Variants in CCDC30 observed in about 807,000 individuals in gnomAD.
The protein encoded by CCDC30 is coiled-coil domain containing 30.
In CCDC30, 70 loss-of-function variants were observed where a neutral mutation model predicts 100.2. The observed-to-expected ratio is 0.70, with a 90% CI of 0.58 to 0.85. The LOEUF (loss-of-function observed/expected upper bound fraction) is 0.85. Among genes scored for constraint, CCDC30 ranks in the 40% least tolerant of loss-of-function variants. CCDC30 has a pLI of 0.00. For synonymous variants in CCDC30, 233 were observed against 269.5 expected, an observed-to-expected ratio of 0.86 and a Z score of 1.33; for missense variants, 652 against 771.2, an observed-to-expected ratio of 0.85 and a Z score of 1.83.
chr1:42,487,710 C>T (rs1461892677), intron 3 of CCDC30, among the ~76,000 whole-genome samples: 2 of 152,166 alleles, frequency 1.3e-5, no homozygotes, highest in Non-Finnish European at 2.9e-5. Context: ...GGGCAGCCTC[C>T]AAGAGCCAAG....
intron 6 of CCDC30, among the ~76,000 whole-genome samples, chr1:42,548,732 G>A (rs1305161190): frequency 6.6e-6 from 1 of 152,152 alleles, no homozygotes; most frequent in East Asian, 1.9e-4. Context: ...CGATGCCAAG[G>A]CATTCATGGG....
At chr1:42,611,771 G>A (rs1338050292) in intron 11 of CCDC30, among the ~76,000 whole-genome samples, 3 of 151,986 alleles carry the variant, frequency 2.0e-5, no homozygotes, top group Non-Finnish European at 2.9e-5. Flanking sequence ...CAACCTCCTG[G>A]GCTCAAGTGA....
rs112741297 is a variant in CCDC30, at chr1:42,508,891, C to G, written c.456+9975C>G. Among the ~76,000 whole-genome samples the G allele has an allele frequency of 1.8e-3, 276 of 152,098 alleles. 2 individuals carry two copies. Among genetic ancestry groups the G allele is most frequent in the African/African-American group, 6.4e-3 (266 of 41,482 alleles). On this transcript the variant is annotated intron_variant, in intron 6 of 16. Transcript: ENST00000668663. The stretch of plus-strand genomic sequence containing the variant: ...AAGCATAAAGGTTTTTAAAATATAC[C>G]CTTGCTTGGATATCCGCTTTTAATC...
At chr1:42,568,586 G>T (rs1395493403) in intron 7 of CCDC30, among the ~76,000 whole-genome samples, 1 of 151,950 alleles carries the variant, frequency 6.6e-6, no homozygotes, top group Admixed American at 6.6e-5. Context: ...TCCTCAATTT[G>T]GGTCATTTTG....
At chr1:42,530,017 G>A (rs1263623162) in intron 6 of CCDC30, among the ~76,000 whole-genome samples, 3 of 152,102 alleles carry the variant, frequency 2.0e-5, no homozygotes, top group South Asian at 2.1e-4. Flanking sequence ...TCATCCCTTC[G>A]ACCAGTGCAC....
At position 42,653,808 on chromosome 1, in the gene CCDC30, C is replaced by A; in HGVS notation, c.1923-10C>A. The A allele has an allele frequency of 3.1e-6, 5 of 1,603,890 alleles. No homozygotes were observed. Among genetic ancestry groups the A allele is most frequent in the Non-Finnish European group, 4.3e-6 (5 of 1,171,088 alleles). Reference sequence around the variant, plus strand: ...ATGTACATGATGTCCTCACATATGGCATTTCTTAGTTTTTCAGGAAAAGGT... The same window carrying A: ...ATGTACATGATGTCCTCACATATGGAATTTCTTAGTTTTTCAGGAAAAGGT... On this transcript the variant is annotated splice_polypyrimidine_tract_variant and intron_variant, in intron 16 of 16. Transcript: ENST00000668663.
chr1:42,457,451 G>T, the CCDC30 span: 11 of 996,774 alleles, frequency 1.1e-5, no homozygotes, highest in Admixed American at 1.8e-5. Flanking sequence ...GTATTCGCTA[G>T]GCACAGGGGA....
chr1:42,481,125 A>AG (rs200596086), intron 2 of CCDC30, among the ~76,000 whole-genome samples: 1 of 150,060 alleles, frequency 6.7e-6, no homozygotes, highest in Non-Finnish European at 1.5e-5. Flanking sequence ...AAAAAAAAAA[A>AG]GAGTCATGCT....
chr1:42,527,066 A>G (rs1251162001), intron 6 of CCDC30, among the ~76,000 whole-genome samples: 3 of 152,170 alleles, frequency 2.0e-5, no homozygotes, highest in African/African-American at 7.2e-5. Flanking sequence ...AACTGCTCTG[A>G]AGGGTGTAAA....
intron 11 of CCDC30, among the ~76,000 whole-genome samples, chr1:42,617,276 C>A (rs971951078): frequency 3.3e-5 from 5 of 151,464 alleles, no homozygotes; most frequent in African/African-American, 1.2e-4. Flanking sequence ...TCGTCTCTAC[C>A]AAAAAAAAAT....
At chr1:42,511,101 G>A (rs952239495) in intron 6 of CCDC30, among the ~76,000 whole-genome samples, 3 of 152,108 alleles carry the variant, frequency 2.0e-5, no homozygotes, top group East Asian at 2.0e-4. Context: ...CCAGGGTGGA[G>A]GGGAAGACAG....
intron 9 of CCDC30, 107 bp downstream of exon 13, chr1:42,581,621 C>A: frequency 1.0e-6 from 1 of 986,800 alleles, no homozygotes; most frequent in Non-Finnish European, 1.5e-6. Context: ...CTGCTCTGTC[C>A]CCACTGAAGT....
intron 6 of CCDC30, among the ~76,000 whole-genome samples, chr1:42,510,358 AC>A (rs1298865502): frequency 6.6e-6 from 1 of 152,144 alleles, no homozygotes; most frequent in Non-Finnish European, 1.5e-5. Context: ...GAGGTTAAAC[AC>A]TTGAGTTAAA....
At chr1:42,643,535 A>G (rs1374951451) in intron 13 of CCDC30, among the ~76,000 whole-genome samples, 1 of 152,196 alleles carries the variant, frequency 6.6e-6, no homozygotes, top group African/African-American at 2.4e-5. Context: ...GACAGTCAGG[A>G]TCCAACACAA....
intron 6 of CCDC30, among the ~76,000 whole-genome samples, chr1:42,529,380 G>A (rs1328577217): frequency 2.0e-5 from 3 of 152,184 alleles, no homozygotes; most frequent in Non-Finnish European, 2.9e-5. Context: ...GCTGAGGCAG[G>A]AGAATAGCTT....
chr1:42,648,008 T>C lies in CCDC30; in HGVS notation c.1854+1691T>C, dbSNP rs111754584. Among the ~76,000 whole-genome samples, 1,401 of 152,336 alleles carry C rather than the reference T, an allele frequency of 9.2e-3. 18 individuals are homozygous for C. The highest frequency in any genetic ancestry group is 0.032 in the African/African-American group (1,349 of 41,582). ...CAGGTTGGAGTGCAATGGCGCAATC[T>C]TGGCTCACTGCAACCTCTGCTTCCC... On this transcript the variant is annotated intron_variant, in intron 15 of 16. Coordinates refer to ENST00000668663, the Ensembl canonical transcript of CCDC30.
intron 7 of CCDC30, among the ~76,000 whole-genome samples, chr1:42,568,586 G>A (rs1395493403): frequency 6.6e-6 from 1 of 151,950 alleles, no homozygotes; most frequent in Admixed American, 6.6e-5. Flanking sequence ...TCCTCAATTT[G>A]GGTCATTTTG....
chr1:42,516,457 C>T (rs1312752702), intron 6 of CCDC30, among the ~76,000 whole-genome samples: 2 of 151,308 alleles, frequency 1.3e-5, no homozygotes, highest in African/African-American at 4.9e-5. Flanking sequence ...ATCTGAATTC[C>T]TCGGGAGGCT....
At chr1:42,507,425 T>C (rs1424713940) in intron 6 of CCDC30, among the ~76,000 whole-genome samples, 2 of 152,256 alleles carry the variant, frequency 1.3e-5, no homozygotes, top group Non-Finnish European at 2.9e-5. Context: ...AGTTAAGGTT[T>C]ACACATGGGA....
Sources: allele counts gnomAD v4.1 joint callset (sites outside exome capture counted in the v4.1 genomes callset), GRCh38; gene constraint gnomAD v4.1.1; transcripts MANE v1.5; gene names NCBI Gene and HGNC (gene_info 2026-07-23, HGNC 2026-07-21).